The following SCN8A variants were observed in gnomAD, a reference collection of about 807,000 sequenced individuals.
The protein encoded by SCN8A is sodium channel protein type 8 subunit alpha.
Under a neutral mutation model 184.1 loss-of-function variants are expected in SCN8A, and 30 were observed. That is an observed-to-expected ratio of 0.16 (90% confidence interval 0.12 to 0.22). The LOEUF (loss-of-function observed/expected upper bound fraction) is 0.22, where lower values mean the gene tolerates loss of function less well. Ranked by LOEUF, SCN8A falls within the 10% of genes least tolerant of loss-of-function variation. The probability of loss-of-function intolerance (pLI) is 1.00; values close to 1 mark genes in which losing one functional copy is unlikely to be tolerated. For synonymous variants in SCN8A, 852 were observed against 907.0 expected (o/e 0.94, Z 1.09); for missense variants, 1,057 against 2,498.9 (o/e 0.42, Z 12.30).
intron 2 of SCN8A, among the ~76,000 whole-genome samples, chr12:51,680,076 CAAT>C (rs1258836880): frequency 1.3e-5 from 2 of 152,016 alleles, no homozygotes; most frequent in Non-Finnish European, 2.9e-5. Flanking sequence ...CTAATTATTT[CAAT>C]AATAAAACAT....
At chr12:51,776,126 G>A (rs1292372541) in intron 20 of SCN8A, among the ~76,000 whole-genome samples, 1 of 152,056 alleles carries the variant, frequency 6.6e-6, no homozygotes, top group Non-Finnish European at 1.5e-5. Context: ...AGTAGCTGGG[G>A]CTGCAGGCAC....
intron 21 of SCN8A, among the ~76,000 whole-genome samples, chr12:51,786,050 G>A (rs577146384): frequency 5.3e-5 from 8 of 152,076 alleles, no homozygotes; most frequent in East Asian, 1.9e-4. Flanking sequence ...CTGGCCTTGC[G>A]TAGTCATAAA....
At chr12:51,601,081 T>G (rs1939453769) in intron 1 of SCN8A, among the ~76,000 whole-genome samples, 1 of 152,194 alleles carries the variant, frequency 6.6e-6, no homozygotes, top group Non-Finnish European at 1.5e-5. Context: ...TTCTCCTAGT[T>G]TGAATGCTCA....
chr12:51,598,814 G>C (rs180792914), intron 1 of SCN8A, among the ~76,000 whole-genome samples: 34 of 151,804 alleles, frequency 2.2e-4, no homozygotes, highest in African/African-American at 8.0e-4. Flanking sequence ...CTCACAGTTA[G>C]TTCCATTGTC....
At chr12:51,804,623 G>A (rs1298580728) in intron 26 of SCN8A, among the ~76,000 whole-genome samples, 2 of 152,146 alleles carry the variant, frequency 1.3e-5, no homozygotes. Context: ...CTGAATAGCT[G>A]GAATTACACT....
chr12:51,651,841 C>T (rs575626826), intron 1 of SCN8A, among the ~76,000 whole-genome samples: 1 of 152,290 alleles, frequency 6.6e-6, no homozygotes, highest in East Asian at 1.9e-4. Context: ...AGTTATCCTG[C>T]CAATTTCTCC....
At chr12:51,802,026 G>T (rs188135207) in intron 26 of SCN8A, among the ~76,000 whole-genome samples, 1 of 152,140 alleles carries the variant, frequency 6.6e-6, no homozygotes, top group Non-Finnish European at 1.5e-5. Context: ...CTGCACTCTA[G>T]CCTGGGTGAC....
rs537438449 is a variant in SCN8A, at chr12:51,691,309, T to C, written c.706+2213T>C. ...CAGATGCTGTCTCTAGTCTAGCTCATAGCTTCTGTCTCTGTCTCTGCTATA... is the reference window on the plus strand; with the variant it reads ...CAGATGCTGTCTCTAGTCTAGCTCACAGCTTCTGTCTCTGTCTCTGCTATA... On this transcript the variant is annotated intron_variant, in intron 6 of 26. Transcript: ENST00000627620. 8.5e-5 allele frequency among the ~76,000 whole-genome samples: 13 copies of C among 152,336 alleles called. No homozygotes were observed. In the South Asian group the frequency reaches 2.7e-3, roughly 32 times the overall value.
intron 12 of SCN8A, among the ~76,000 whole-genome samples, chr12:51,723,888 A>G (rs2138787112): frequency 6.6e-6 from 1 of 152,094 alleles, no homozygotes; most frequent in Admixed American, 6.5e-5. Context: ...GTGAAGATTA[A>G]TATTTCTGTT....
At chr12:51,774,396 C>T (rs112808329) in intron 20 of SCN8A, 34 bp downstream of exon 20, 2 of 1,561,610 alleles carry the variant, frequency 1.3e-6, no homozygotes, top group African/African-American at 2.7e-5. Flanking sequence ...CCACCCCTTC[C>T]AGCAGGAACA....
chr12:51,747,224 A>G (rs1180000832), intron 13 of SCN8A, among the ~76,000 whole-genome samples: 1 of 151,956 alleles, frequency 6.6e-6, no homozygotes, highest in African/African-American at 2.4e-5. Context: ...ATGAGACTAT[A>G]ACTAGACTGA....
intron 13 of SCN8A, 39 bp from the exon 14 acceptor site, chr12:51,751,316 C>T (rs1942590523): frequency 7.2e-7 from 1 of 1,381,952 alleles, no homozygotes; most frequent in Admixed American, 1.7e-5. Flanking sequence ...GGTTTTCTTG[C>T]TGTGATTGAG....
intron 2 of SCN8A, among the ~76,000 whole-genome samples, chr12:51,664,271 G>A (rs916838593): frequency 2.0e-5 from 3 of 150,952 alleles, no homozygotes; most frequent in Non-Finnish European, 4.4e-5. Flanking sequence ...GCAGTGGTGC[G>A]GTCTCAGCTC....
At chr12:51,756,687 T>G (rs1942680131) in intron 14 of SCN8A, among the ~76,000 whole-genome samples, 1 of 152,154 alleles carries the variant, frequency 6.6e-6, no homozygotes. Context: ...CATGCCAGCC[T>G]GCTGCCCTGC....
In SCN8A at chr12:51,806,641, CCT is replaced by C. The variant is rs587776703; in HGVS notation, c.5156_5157del (p.Pro1719ArgfsTer6). ...GLLLPILNRP[P>X]DCSLDKEHPG... The stretch of plus-strand genomic sequence containing the variant: ...GCTGCTGCCCATCCTAAACCGCCCC[CCT>C]GACTGCAGCCTAGATAAGGAACACC... On this transcript the variant is annotated frameshift_variant, in exon 27 of 27. Transcript: ENST00000627620. LOFTEE classifies it high-confidence loss of function. This position sits in a 1 kb window ranked among gnomAD's most constrained non-coding sequence, Gnocchi z 8.7. The C allele has an allele frequency of 6.2e-7, 1 of 1,614,064 alleles. No individual in the cohort carries two copies. Among genetic ancestry groups the C allele is most frequent in the Non-Finnish European group, 8.5e-7 (1 of 1,180,024 alleles).
chr12:51,592,966 T>C (rs1364252179), intron 1 of SCN8A, among the ~76,000 whole-genome samples: 1 of 152,148 alleles, frequency 6.6e-6, no homozygotes, highest in Non-Finnish European at 1.5e-5. Context: ...AAAAAAAATT[T>C]TTTTTTTGAT....
chr12:51,658,717 T>C (rs751444808), intron 1 of SCN8A, among the ~76,000 whole-genome samples: 2 of 152,230 alleles, frequency 1.3e-5, no homozygotes, highest in Non-Finnish European at 2.9e-5. Flanking sequence ...GTTTTAGAAC[T>C]AGATAACTGG....
chr12:51,592,819 G>A (rs1939258816), intron 1 of SCN8A, among the ~76,000 whole-genome samples: 1 of 152,028 alleles, frequency 6.6e-6, no homozygotes, highest in Non-Finnish European at 1.5e-5. Flanking sequence ...GTTAGGGCTG[G>A]GGGATGTTTT....
intron 6 of SCN8A, among the ~76,000 whole-genome samples, chr12:51,696,346 T>C (rs2138729292): frequency 6.6e-6 from 1 of 152,346 alleles, no homozygotes; most frequent in East Asian, 1.9e-4. Context: ...AGCCTAGGAT[T>C]GAATTATTGA....
Sources: gnomAD v4.1 joint callset for allele counts (sites outside exome capture counted in the v4.1 genomes callset) on GRCh38, gnomAD v4.1.1 for gene constraint, Gnocchi (gnomAD v3.1) non-coding constraint, MANE v1.5 for transcripts, NCBI Gene and HGNC (gene_info 2026-07-23, HGNC 2026-07-21) for gene names.